COL6A2: variants seen among roughly 807,000 people sequenced by gnomAD.
COL6A2 encodes the protein collagen alpha-2(VI) chain.
Under a neutral mutation model 124.9 loss-of-function variants are expected in COL6A2, and 90 were observed. The observed-to-expected ratio is 0.72, with a 90% CI of 0.61 to 0.86. The LOEUF (loss-of-function observed/expected upper bound fraction) is 0.86. Among genes scored for constraint, COL6A2 ranks in the 40% least tolerant of loss-of-function variants. COL6A2 has a pLI of 0.00. For missense variants in COL6A2, 1,607 were observed against 1,502.5 expected, an observed-to-expected ratio of 1.07 and a Z score of -1.15; for synonymous variants, 793 against 618.2, an observed-to-expected ratio of 1.28 and a Z score of -4.19.
At chr21:46,108,472 C>G (rs2078359534) in intron 1 of COL6A2, among the ~76,000 whole-genome samples, 1 of 152,170 alleles carries the variant, frequency 6.6e-6, no homozygotes, top group Admixed American at 6.5e-5. Flanking sequence ...AAGATAAGAA[C>G]CACTATTTTA....
At chr21:46,107,040 G>C (rs1308479344) in intron 1 of COL6A2, among the ~76,000 whole-genome samples, 1 of 151,856 alleles carries the variant, frequency 6.6e-6, no homozygotes, top group Non-Finnish European at 1.5e-5. Context: ...CCAAAAACAA[G>C]GTTTGTCTTT....
intron 1 of COL6A2, among the ~76,000 whole-genome samples, chr21:46,105,248 T>C (rs1268235720): frequency 6.6e-6 from 1 of 152,122 alleles, no homozygotes; most frequent in Non-Finnish European, 1.5e-5. Flanking sequence ...CGACCAAGCA[T>C]GGTGGTGCAC....
At chr21:46,129,773 A>T (rs1395435343) in intron 27 of COL6A2, 3 of 1,310,612 alleles carry the variant, frequency 2.3e-6, no homozygotes, top group African/African-American at 3.0e-5. Flanking sequence ...CCCCAAGTCC[A>T]GAATGACCTC....
chr21:46,129,563 C>T, intron 27 of COL6A2: 3 of 1,469,312 alleles, frequency 2.0e-6, no homozygotes, highest in Non-Finnish European at 2.7e-6. Context: ...CCCCGACAGG[C>T]TGGCTCTCAG....
At chr21:46,127,465 C>T (rs900784244) in intron 27 of COL6A2, among the ~76,000 whole-genome samples, 3 of 152,130 alleles carry the variant, frequency 2.0e-5, no homozygotes, top group Admixed American at 6.5e-5. Context: ...CGACAGAGAA[C>T]CTAGGGCTTG....
At chr21:46,119,961 A>G (rs1044471914) in intron 15 of COL6A2, 111 bp downstream of exon 15, 6 of 956,358 alleles carry the variant, frequency 6.3e-6, no homozygotes, top group Non-Finnish European at 9.9e-6. Flanking sequence ...CCAGGGCCTC[A>G]CTCTCCAGAG....
intron 21 of COL6A2, 47 bp from the exon 22 acceptor site, chr21:46,124,604 A>C: frequency 6.3e-7 from 1 of 1,587,982 alleles, no homozygotes; most frequent in Non-Finnish European, 8.6e-7. Context: ...GTGTGCAGGG[A>C]CTGTCCCTGG....
chr21:46,128,206 G>A (rs372148019), intron 27 of COL6A2, among the ~76,000 whole-genome samples: 9 of 152,132 alleles, frequency 5.9e-5, no homozygotes, highest in South Asian at 2.1e-4. Context: ...GGGAGGACAC[G>A]GAGGCCCTTG....
intron 22 of COL6A2, 32 bp downstream of exon 22, chr21:46,124,745 C>A (rs1432456060): frequency 1.2e-6 from 2 of 1,609,100 alleles, no homozygotes; most frequent in South Asian, 1.1e-5. Flanking sequence ...ATGCCCTCCC[C>A]CCAACCTGCC....
At chr21:46,100,750 G>A (rs2078280166) in intron 1 of COL6A2, among the ~76,000 whole-genome samples, 1 of 152,178 alleles carries the variant, frequency 6.6e-6, no homozygotes, top group African/African-American at 2.4e-5. Context: ...TTGTAAGGCT[G>A]AGCAGTATTC....
rs750200236 is a variant in COL6A2 at position 46,119,140 on chromosome 21, C to G, written c.1269+21C>G. On this transcript the variant is annotated intron_variant, in intron 14 of 27. Coordinates refer to ENST00000300527, the MANE Select transcript of COL6A2 (RefSeq NM_001849.4). ...AGCCGGTGAGTCCCTCCTGCCCCTG[C>G]CTCAGGGCCCCGCTCTGGGCATCCT... 11 of 1,580,152 alleles carry G rather than the reference C, an allele frequency of 7.0e-6. No homozygotes were observed. In the East Asian group the frequency reaches 2.3e-4, roughly 32 times the overall value.
intron 27 of COL6A2, chr21:46,129,222 C>T: frequency 1.2e-6 from 2 of 1,612,924 alleles, no homozygotes; most frequent in Non-Finnish European, 1.7e-6. Flanking sequence ...CGGCGAGCCC[C>T]CGGTCACCTT....
At position 46,119,366 on chromosome 21, in the gene COL6A2, G is replaced by A. The variant is rs145264415; in HGVS notation, c.1269+247G>A. On this transcript the variant is annotated intron_variant, in intron 14 of 27. Transcript: ENST00000300527. ...CTAAACCCAGCACCAGCTGCCCAGG[G>A]CATCCTGTGAGGGCTGAGCAGGGCC... Among the ~76,000 whole-genome samples, 618 of 152,272 alleles carry A rather than the reference G, an allele frequency of 4.1e-3. 3 individuals carry two copies. The highest frequency in any genetic ancestry group is 6.9e-3 in the Non-Finnish European group (466 of 68,010).
At chr21:46,131,747 A>C (rs1396977424) in intron 27 of COL6A2, among the ~76,000 whole-genome samples, 1 of 152,136 alleles carries the variant, frequency 6.6e-6, no homozygotes, top group East Asian at 1.9e-4. Flanking sequence ...CCAGCAGAGG[A>C]GATGGCGGCT....
In COL6A2 at chr21:46,116,165, C is replaced by T. The variant is rs1345137859; in HGVS notation, c.900+112C>T. 3.2e-6 allele frequency: 4 copies of T among 1,256,700 alleles called. No individual in the cohort carries two copies. Among genetic ancestry groups the T allele is most frequent in the Non-Finnish European group, 4.5e-6 (4 of 880,490 alleles). The allele number at this position is 1,256,700 out of a possible 1,614,324, so 77.8% of individuals were successfully genotyped here. A position where few individuals can be genotyped will look rare whatever the true frequency, so the allele number is the denominator to read the frequency against. On this transcript the variant is annotated intron_variant, in intron 7 of 27. Coordinates refer to ENST00000300527, the MANE Select transcript of COL6A2 (RefSeq NM_001849.4). This position sits in a 1 kb window ranked among gnomAD's most constrained non-coding sequence, Gnocchi z 4.6. ...CCTCTACGACCCTCCCCCCAGTTAC[C>T]AAGGAACAGAAGCACCTCGATAACT...
Position 46,126,253 on chromosome 21 carries a change from C to T in COL6A2, c.2422+16C>T, listed in dbSNP as rs372990656. 1.8e-4 allele frequency: 285 copies of T among 1,596,932 alleles called. 1 individual carries two copies. The highest frequency in any genetic ancestry group is 3.7e-4 in the African/African-American group (28 of 74,986). On this transcript the variant is annotated intron_variant, in intron 26 of 27. Coordinates refer to ENST00000300527, the MANE Select transcript of COL6A2 (RefSeq NM_001849.4). The stretch of plus-strand genomic sequence containing the variant: ...CTCTGCCCGGGTGAGCGTGTGGGCG[C>T]GGGGCAGTCGGCCGAGGAGCAGCAG...
At chr21:46,124,804 G>C in intron 22 of COL6A2, 81 bp from the exon 23 acceptor site, 1 of 1,592,346 alleles carries the variant, frequency 6.3e-7, no homozygotes, top group Non-Finnish European at 8.6e-7. Context: ...GTGGACCCAC[G>C]TATCAGTGGG....
At chr21:46,123,696 G>GATGGATGGATGA (rs2078604931) in intron 21 of COL6A2, among the ~76,000 whole-genome samples, 1 of 88,892 alleles carries the variant, frequency 1.1e-5, no homozygotes, top group African/African-American at 4.1e-5. Flanking sequence ...TAGGTGGGTA[G>GATGGATGGATGA]GTGGGTAGAT....
At chr21:46,127,211 T>C (rs2078684832) in intron 27 of COL6A2, among the ~76,000 whole-genome samples, 1 of 151,010 alleles carries the variant, frequency 6.6e-6, no homozygotes, top group Admixed American at 6.6e-5. Context: ...CCTCCAGGAG[T>C]GTGAGGGTAG....
Sources: allele counts gnomAD v4.1 joint callset (sites outside exome capture counted in the v4.1 genomes callset), GRCh38; gene constraint gnomAD v4.1.1; non-coding constraint Gnocchi (gnomAD v3.1); transcripts MANE v1.5; gene names NCBI Gene and HGNC (gene_info 2026-07-23, HGNC 2026-07-21).